VWC2: variants seen among roughly 807,000 people sequenced by gnomAD.
VWC2 encodes von Willebrand factor C domain containing 2.
Under a neutral mutation model 29.8 loss-of-function variants are expected in VWC2, and 14 were observed. The ratio of observed to expected loss-of-function variants is 0.47; its 90% CI spans 0.31 to 0.74. The LOEUF (loss-of-function observed/expected upper bound fraction) is 0.74. Among genes scored for constraint, VWC2 ranks in the 30% least tolerant of loss-of-function variants. The pLI, the probability that VWC2 is intolerant of heterozygous loss-of-function variation, is 0.05. For synonymous variants in VWC2, 213 were observed against 199.0 expected (o/e 1.07, Z -0.59); for missense variants, 457 against 459.8 (o/e 0.99, Z 0.05).
intron 3 of VWC2, among the ~76,000 whole-genome samples, chr7:49,865,934 T>G (rs1360733521): frequency 2.6e-5 from 4 of 152,234 alleles, no homozygotes; most frequent in Non-Finnish European, 5.9e-5. Flanking sequence ...TTTGTCCAGT[T>G]GAGAAAGTCT....
In VWC2 at chr7:49,918,165, G is replaced by A. The variant is rs1229877327; in HGVS notation, c.*5980G>A. ...ACAGTTCTCCCAAATTGTGGGTAAT[G>A]CTATCCCCTTTGTTGCAGAAAAGTA... On this transcript the variant is annotated 3_prime_UTR_variant, in exon 4 of 4. Transcript: ENST00000340652. The A allele has an allele frequency of 1.3e-5, 2 of 152,174 alleles. No individual in the cohort carries two copies. Among genetic ancestry groups the A allele is most frequent in the African/African-American group, 4.8e-5 (2 of 41,452 alleles). 9.4% of individuals were successfully genotyped at this position (152,174 alleles called of 1,614,324 possible). A position where few individuals can be genotyped will look rare whatever the true frequency, so the allele number is the denominator to read the frequency against.
At chr7:49,876,324 G>T (rs532686257) in intron 3 of VWC2, among the ~76,000 whole-genome samples, 1 of 152,098 alleles carries the variant, frequency 6.6e-6, no homozygotes, top group Non-Finnish European at 1.5e-5. Context: ...TCATTTAAAA[G>T]ACCCAATTTT....
At chr7:49,857,061 C>A (rs913930006) in intron 3 of VWC2, among the ~76,000 whole-genome samples, 17 of 138,518 alleles carry the variant, frequency 1.2e-4, no homozygotes, top group African/African-American at 4.5e-4. Flanking sequence ...TGATATCTAC[C>A]TTCTTAACAA....
In VWC2 at chr7:49,795,717, A is replaced by G. The variant is rs147201003; in HGVS notation, c.697-6994A>G. Among the ~76,000 whole-genome samples, 64 of 152,334 alleles carry G rather than the reference A, an allele frequency of 4.2e-4. No individual in the cohort carries two copies. In the East Asian group the frequency reaches 0.01, roughly 24 times the overall value. ...ATAATATGTTGTGTAAGTTTGTTTT[A>G]GATCTTGTGTCTTTCCAACCATTTC... On this transcript the variant is annotated intron_variant, in intron 2 of 3. Coordinates refer to ENST00000340652, the MANE Select transcript of VWC2 (RefSeq NM_198570.5).
rs2128746206 is a variant in VWC2, at chr7:49,919,193, T to A, written c.*7008T>A. Reference sequence around the variant, plus strand: ...TTCTTCCCTGGGGAGCAGCTGTGAGTCTTACTGAATCGATTTATTCATTGC... The same window carrying A: ...TTCTTCCCTGGGGAGCAGCTGTGAGACTTACTGAATCGATTTATTCATTGC... On this transcript the variant is annotated 3_prime_UTR_variant, in exon 4 of 4. Coordinates refer to ENST00000340652, the MANE Select transcript of VWC2 (RefSeq NM_198570.5). 6.6e-6 allele frequency: 1 copy of A among 152,202 alleles called. No homozygotes were observed. Among genetic ancestry groups the A allele is most frequent in the South Asian group, 2.1e-4 (1 of 4,828 alleles). 9.4% of individuals were successfully genotyped at this position (152,202 alleles called of 1,614,324 possible).
At chr7:49,875,395 A>AAAAAAAAAAAAAAC (rs1562746141) in intron 3 of VWC2, among the ~76,000 whole-genome samples, 4 of 149,594 alleles carry the variant, frequency 2.7e-5, no homozygotes, top group African/African-American at 9.9e-5. Context: ...AAAAAAAAAA[A>AAAAAAAAAAAAAAC]AACAGGAATA....
intron 3 of VWC2, among the ~76,000 whole-genome samples, chr7:49,839,470 C>A (rs904468262): frequency 3.2e-4 from 48 of 152,160 alleles, no homozygotes; most frequent in Non-Finnish European, 2.8e-4. Context: ...TCCAAAATTT[C>A]TTGTTTGAAC....
At chr7:49,851,772 C>T (rs996243908) in intron 3 of VWC2, among the ~76,000 whole-genome samples, 5 of 151,990 alleles carry the variant, frequency 3.3e-5, no homozygotes, top group South Asian at 4.1e-4. Context: ...TAAGGAGAAT[C>T]GCTTGAACCC....
rs185955364 is a variant in VWC2, at chr7:49,789,911, G to A, written c.697-12800G>A. On this transcript the variant is annotated intron_variant, in intron 2 of 3. Coordinates refer to ENST00000340652, the MANE Select transcript of VWC2 (RefSeq NM_198570.5). Reference sequence around the variant, plus strand: ...CTCCCTGCACTGGCCCTGGTGCTCCGGGGGGCCCTACGGCCCCTTGGCTCC... The same window carrying A: ...CTCCCTGCACTGGCCCTGGTGCTCCAGGGGGCCCTACGGCCCCTTGGCTCC... 3.8e-3 allele frequency among the ~76,000 whole-genome samples: 580 copies of A among 152,248 alleles called. 5 individuals are homozygous for A. Among genetic ancestry groups the A allele is most frequent in the African/African-American group, 0.013 (557 of 41,510 alleles).
intron 3 of VWC2, among the ~76,000 whole-genome samples, chr7:49,819,539 G>T (rs1030265632): frequency 2.0e-5 from 3 of 152,136 alleles, no homozygotes; most frequent in African/African-American, 7.2e-5. Flanking sequence ...AATAACATAG[G>T]TTTGTAGTGG....
chr7:49,863,418 C>T (rs954191944), intron 3 of VWC2, among the ~76,000 whole-genome samples: 44 of 151,982 alleles, frequency 2.9e-4, no homozygotes, highest in East Asian at 1.9e-4. Context: ...TTTGTTGATT[C>T]TCTCTCCCTT....
At chr7:49,892,040 T>TTG (rs1463519863) in intron 3 of VWC2, among the ~76,000 whole-genome samples, 1 of 122,950 alleles carries the variant, frequency 8.1e-6, no homozygotes, top group African/African-American at 3.1e-5. Flanking sequence ...GATTTTTTTT[T>TTG]TTTTTTTTTT....
chr7:49,881,694 T>C (rs1399065617), intron 3 of VWC2, among the ~76,000 whole-genome samples: 1 of 152,180 alleles, frequency 6.6e-6, no homozygotes, highest in Non-Finnish European at 1.5e-5. Flanking sequence ...AAGTCTTTGG[T>C]TTGGTTAGAT....
intron 3 of VWC2, among the ~76,000 whole-genome samples, chr7:49,832,046 A>G (rs1216539309): frequency 2.0e-5 from 3 of 152,178 alleles, no homozygotes; most frequent in African/African-American, 7.2e-5. Flanking sequence ...CCCTGGAGGA[A>G]GGTTAACAAG....
chr7:49,874,003 AGT>A (rs147898113), intron 3 of VWC2, among the ~76,000 whole-genome samples: 2 of 151,286 alleles, frequency 1.3e-5, no homozygotes, highest in Non-Finnish European at 3.0e-5. Context: ...TATTGTTTGG[AGT>A]GTGTGTGTGT....
chr7:49,860,314 C>A (rs951585755), intron 3 of VWC2, among the ~76,000 whole-genome samples: 1 of 152,196 alleles, frequency 6.6e-6, no homozygotes, highest in Non-Finnish European at 1.5e-5. Context: ...TAAAAATTTA[C>A]CTGTTCTAGC....
rs1787984430 is a variant in VWC2 at position 49,773,674 on chromosome 7, C to G, written c.-543C>G. On this transcript the variant is annotated 5_prime_UTR_variant, in exon 1 of 4. Coordinates refer to ENST00000340652, the MANE Select transcript of VWC2 (RefSeq NM_198570.5). ...CATGCTGGCCTCGGTGCCACTCGCG[C>G]GCCGGCCGCGCTCCGGGCTTCTCTT... 2.0e-5 allele frequency: 3 copies of G among 152,342 alleles called. No individual in the cohort carries two copies. The South Asian group carries it at 6.1e-4, about 31-fold the overall frequency. 9.4% of individuals were successfully genotyped at this position (152,342 alleles called of 1,614,324 possible).
At chr7:49,781,919 G>A (rs1788186690) in intron 2 of VWC2, among the ~76,000 whole-genome samples, 1 of 152,158 alleles carries the variant, frequency 6.6e-6, no homozygotes, top group African/African-American at 2.4e-5. Context: ...AAGGGGGAAT[G>A]AGTCCAGGGG....
At chr7:49,830,454 T>C (rs1438648203) in intron 3 of VWC2, among the ~76,000 whole-genome samples, 1 of 152,204 alleles carries the variant, frequency 6.6e-6, no homozygotes, top group Non-Finnish European at 1.5e-5. Flanking sequence ...TTGTTATTCC[T>C]GTCCACAGTC....
Sources: allele counts gnomAD v4.1 joint callset (sites outside exome capture counted in the v4.1 genomes callset), GRCh38; gene constraint gnomAD v4.1.1; transcripts MANE v1.5; gene names NCBI Gene and HGNC (gene_info 2026-07-23, HGNC 2026-07-21).